Variants in GPCPD1 observed in about 807,000 individuals in gnomAD.
GPCPD1 encodes the protein glycerophosphocholine phosphodiesterase GPCPD1.
Under a neutral mutation model 89.2 loss-of-function variants are expected in GPCPD1, and 29 were observed. The observed-to-expected ratio is 0.33, with a 90% CI of 0.24 to 0.44. The LOEUF (loss-of-function observed/expected upper bound fraction) is 0.44. Ranked by LOEUF, GPCPD1 falls within the 20% of genes least tolerant of loss-of-function variation. The pLI is 1.00. For missense variants in GPCPD1, 594 were observed against 808.9 expected, an observed-to-expected ratio of 0.73 and a Z score of 3.22; for synonymous variants, 258 against 266.3, an observed-to-expected ratio of 0.97 and a Z score of 0.30.
chr20:5,609,773 T>G (rs969655688), intron 1 of GPCPD1, among the ~76,000 whole-genome samples: 3 of 150,448 alleles, frequency 2.0e-5, no homozygotes, highest in African/African-American at 7.4e-5. Context: ...AGTTCTTAAA[T>G]CAGGAATGGA....
rs759970362 is a variant in GPCPD1 at position 5,567,479 on chromosome 20, C to T, written c.1227+4G>A. Reference sequence around the variant, plus strand: ...TAATTTACATTTCATGTTATTATTACTACCTTTAACAACTGGAGTTGGTCA... The same window carrying T: ...TAATTTACATTTCATGTTATTATTATTACCTTTAACAACTGGAGTTGGTCA... On this transcript the variant is annotated splice_donor_region_variant and intron_variant, in intron 13 of 19. Coordinates refer to ENST00000379019, the MANE Select transcript of GPCPD1 (RefSeq NM_019593.5). 3.8e-6 allele frequency: 6 copies of T among 1,559,170 alleles called. 1 individual carries two copies. Among genetic ancestry groups the T allele is most frequent in the Admixed American group, 4.3e-5 (2 of 46,386 alleles).
intron 19 of GPCPD1, among the ~76,000 whole-genome samples, chr20:5,557,134 G>C (rs1191850187): frequency 6.6e-6 from 1 of 152,068 alleles, no homozygotes; most frequent in African/African-American, 2.4e-5. Context: ...GAAGGTGGTG[G>C]GGTGGCAGAT....
intron 4 of GPCPD1, among the ~76,000 whole-genome samples, chr20:5,589,968 A>G (rs1979211496): frequency 6.6e-6 from 1 of 152,242 alleles, no homozygotes; most frequent in Non-Finnish European, 1.5e-5. Context: ...CCAAACATGT[A>G]TATTAACAAA....
At chr20:5,599,991 C>T (rs149905839) in intron 2 of GPCPD1, among the ~76,000 whole-genome samples, 141 of 152,274 alleles carry the variant, frequency 9.3e-4, no homozygotes, top group Non-Finnish European at 1.8e-3. Context: ...GATAAAAGTA[C>T]GTAGAAGTCT....
At chr20:5,598,463 T>C (rs148571393) in intron 3 of GPCPD1, among the ~76,000 whole-genome samples, 1 of 150,972 alleles carries the variant, frequency 6.6e-6, no homozygotes, top group East Asian at 1.9e-4. Flanking sequence ...TATATTCAAT[T>C]ATCCTGAGTT....
intron 4 of GPCPD1, among the ~76,000 whole-genome samples, chr20:5,591,829 C>T (rs1979348285): frequency 6.6e-6 from 1 of 152,152 alleles, no homozygotes; most frequent in Non-Finnish European, 1.5e-5. Flanking sequence ...CCATGAAAAA[C>T]ATACTTACCA....
chr20:5,579,133 C>T (rs1243005517), intron 7 of GPCPD1, among the ~76,000 whole-genome samples: 5 of 151,920 alleles, frequency 3.3e-5, no homozygotes, highest in Non-Finnish European at 5.9e-5. Context: ...TGCAGTGAGC[C>T]GAGATTGCAC....
intron 11 of GPCPD1, among the ~76,000 whole-genome samples, chr20:5,573,708 A>T (rs1210267906): frequency 6.6e-6 from 1 of 152,212 alleles, no homozygotes; most frequent in Admixed American, 6.5e-5. Flanking sequence ...GCACCACTGC[A>T]TTCCAGGCCC....
intron 11 of GPCPD1, among the ~76,000 whole-genome samples, chr20:5,571,583 C>T (rs935393074): frequency 6.6e-6 from 1 of 152,058 alleles, no homozygotes; most frequent in Non-Finnish European, 1.5e-5. Context: ...AAGAAAAAGG[C>T]TTAATGAAAT....
At chr20:5,576,228 G>A in intron 8 of GPCPD1, among the ~76,000 whole-genome samples, 1 of 151,714 alleles carries the variant, frequency 6.6e-6, no homozygotes, top group Non-Finnish European at 1.5e-5. Context: ...ATACTAGTCT[G>A]GCTAACATAG....
At chr20:5,569,689 C>T (rs1986598026) in intron 12 of GPCPD1, among the ~76,000 whole-genome samples, 1 of 152,150 alleles carries the variant, frequency 6.6e-6, no homozygotes, top group African/African-American at 2.4e-5. Context: ...TTTCCTACCC[C>T]CCTAGTTCTT....
chr20:5,581,456 CTG>C (rs1207905414), intron 6 of GPCPD1, among the ~76,000 whole-genome samples: 1 of 152,200 alleles, frequency 6.6e-6, no homozygotes, highest in Non-Finnish European at 1.5e-5. Flanking sequence ...CTAGGGATCA[CTG>C]TTACACTTCC....
intron 1 of GPCPD1, among the ~76,000 whole-genome samples, chr20:5,607,721 G>T (rs1042363583): frequency 6.6e-6 from 1 of 151,960 alleles, no homozygotes; most frequent in Admixed American, 6.6e-5. Flanking sequence ...CACTTTGGGA[G>T]GCATGAGAAT....
chr20:5,558,002 T>C lies in GPCPD1; in HGVS notation c.1772A>G (p.Asp591Gly). The C allele has an allele frequency of 1.2e-6, 2 of 1,601,026 alleles. No homozygotes were observed. The change falls in exon 19 of 20, where the codon GAT (aspartate) becomes GGT (glycine). Residue 591 changes from aspartate (D) to glycine (G), a missense_variant. Transcript: ENST00000379019. Reference protein sequence around the residue: ...VIFCWGDDTNDPENRRKLKEL... With the variant: ...VIFCWGDDTNGPENRRKLKEL... ...CTTCAATTTCCTTCTGTTTTCAGGA[T>C]CATTGGTATCATCACCCCAGCAGAA...
At chr20:5,549,817 G>C (rs1205770918) in intron 19 of GPCPD1, among the ~76,000 whole-genome samples, 1 of 149,896 alleles carries the variant, frequency 6.7e-6, no homozygotes, top group African/African-American at 2.4e-5. Flanking sequence ...AATGAGAATA[G>C]GATGCTAAAT....
chr20:5,605,334 TAG>T (rs1199867262), intron 1 of GPCPD1, among the ~76,000 whole-genome samples: 1 of 152,100 alleles, frequency 6.6e-6, no homozygotes, highest in African/African-American at 2.4e-5. Context: ...AAAACAACTA[TAG>T]AGAGAAAAAA....
intron 1 of GPCPD1, among the ~76,000 whole-genome samples, chr20:5,609,561 T>C (rs979668357): frequency 6.6e-6 from 1 of 152,238 alleles, no homozygotes; most frequent in African/African-American, 2.4e-5. Context: ...GTATGTTTCA[T>C]ACCTTTTTTC....
chr20:5,556,603 T>C (rs958119457), intron 19 of GPCPD1, among the ~76,000 whole-genome samples: 3 of 152,208 alleles, frequency 2.0e-5, no homozygotes, highest in Non-Finnish European at 4.4e-5. Flanking sequence ...GGTACACCTG[T>C]ATGAGCAAGT....
chr20:5,606,420 T>C (rs1980589633), intron 1 of GPCPD1, among the ~76,000 whole-genome samples: 1 of 152,174 alleles, frequency 6.6e-6, no homozygotes, highest in Admixed American at 6.6e-5. Flanking sequence ...AATTCTAAAG[T>C]ACCTTTCATA....
Sources: allele counts gnomAD v4.1 joint callset (sites outside exome capture counted in the v4.1 genomes callset), GRCh38; gene constraint gnomAD v4.1.1; transcripts MANE v1.5; gene names NCBI Gene and HGNC (gene_info 2026-07-23, HGNC 2026-07-21).